The following PPFIBP1 variants were observed in gnomAD, a reference collection of about 807,000 sequenced individuals.
PPFIBP1 encodes liprin-beta-1.
Under a neutral mutation model 137.8 loss-of-function variants are expected in PPFIBP1, and 112 were observed. That is an observed-to-expected ratio of 0.81 (90% CI 0.70 to 0.95). The LOEUF is 0.95. Among genes scored for constraint, PPFIBP1 ranks in the 40% least tolerant of loss-of-function variants. The pLI is 0.00. For missense variants in PPFIBP1, 1,083 were observed against 1,196.6 expected (o/e 0.91, Z 1.40); for synonymous variants, 378 against 417.3 (o/e 0.91, Z 1.15).
chr12:27,565,444 A>G (rs1419188484), intron 1 of PPFIBP1, among the ~76,000 whole-genome samples: 1 of 152,338 alleles, frequency 6.6e-6, no homozygotes. Flanking sequence ...GGAGCTAGTC[A>G]TCTTGATTCT....
chr12:27,688,998 T>G lies in PPFIBP1; in HGVS notation c.2497-17T>G. 2 of 1,590,914 alleles carry G rather than the reference T, an allele frequency of 1.3e-6. No individual in the cohort carries two copies. Among genetic ancestry groups the G allele is most frequent in the Non-Finnish European group, 1.7e-6 (2 of 1,174,152 alleles). ...TGTGGTGACTTTTGACAAGCTTTTTTTTTTTTCTTTAAACAGGTTCTAGAG... is the reference window on the plus strand; with the variant it reads ...TGTGGTGACTTTTGACAAGCTTTTTGTTTTTTCTTTAAACAGGTTCTAGAG... On this transcript the variant is annotated splice_polypyrimidine_tract_variant and intron_variant, in intron 26 of 29. Coordinates refer to ENST00000228425, the MANE Select transcript of PPFIBP1 (RefSeq NM_003622.4).
Position 27,682,390 on chromosome 12 carries a change from C to T in PPFIBP1, c.2050C>T (p.Leu684Phe). The T allele has an allele frequency of 6.2e-7, 1 of 1,606,284 alleles. No homozygotes were observed. ...AAGTCAATGTTTATTGTTTCAGGAA[C>T]TTGGAATCAAGCATTCACTTCATCG... is the stretch of plus-strand genomic sequence containing the variant. The part of the protein sequence containing the change: ...QASQQDLEKE[L>F]GIKHSLHRKK... The change falls in exon 23 of 30, where the codon CTT becomes TTT. Residue 684 changes from leucine (L) to phenylalanine (F), a missense_variant. Coordinates refer to ENST00000228425, the MANE Select transcript of PPFIBP1 (RefSeq NM_003622.4).
chr12:27,659,334 C>G (rs1565958107), intron 10 of PPFIBP1, among the ~76,000 whole-genome samples: 1 of 152,064 alleles, frequency 6.6e-6, no homozygotes, highest in Non-Finnish European at 1.5e-5. Flanking sequence ...ATTCATGGAG[C>G]CTGAATATTT....
At chr12:27,597,450 G>A (rs1398515021) in intron 2 of PPFIBP1, among the ~76,000 whole-genome samples, 10 of 151,968 alleles carry the variant, frequency 6.6e-5, no homozygotes, top group African/African-American at 1.7e-4. Flanking sequence ...CACCGCGACC[G>A]GCCACCAAAA....
At chr12:27,537,878 T>C (rs1475744987) in intron 1 of PPFIBP1, among the ~76,000 whole-genome samples, 1 of 152,118 alleles carries the variant, frequency 6.6e-6, no homozygotes, top group Non-Finnish European at 1.5e-5. Context: ...GGAAAGCAGG[T>C]ATCTGGCTAT....
chr12:27,615,172 A>G (rs185298567), intron 2 of PPFIBP1, among the ~76,000 whole-genome samples: 2 of 152,310 alleles, frequency 1.3e-5, no homozygotes, highest in East Asian at 3.9e-4. Flanking sequence ...TATATCTCTT[A>G]AGATCCTATT....
chr12:27,556,044 G>A (rs573919761), intron 1 of PPFIBP1, among the ~76,000 whole-genome samples: 1 of 152,324 alleles, frequency 6.6e-6, no homozygotes, highest in African/African-American at 2.4e-5. Context: ...GCTGCTTCCT[G>A]AATACATCTA....
chr12:27,594,970 G>A (rs2053019645), intron 2 of PPFIBP1, among the ~76,000 whole-genome samples: 2 of 152,196 alleles, frequency 1.3e-5, no homozygotes, highest in Admixed American at 6.5e-5. Flanking sequence ...ATGACCATTA[G>A]GTGGTAGTTA....
chr12:27,525,513 GAAAAA>G (rs56656340), intron 1 of PPFIBP1, among the ~76,000 whole-genome samples: 1 of 93,758 alleles, frequency 1.1e-5, no homozygotes, highest in Non-Finnish European at 2.1e-5. Flanking sequence ...GAGCAGGAAG[GAAAAA>G]AAAAAAAAAA....
intron 2 of PPFIBP1, among the ~76,000 whole-genome samples, chr12:27,629,203 T>G (rs1470738010): frequency 6.6e-6 from 1 of 152,220 alleles, no homozygotes; most frequent in Admixed American, 6.5e-5. Context: ...TAAATGAATT[T>G]TATGCTTTCA....
chr12:27,679,946 C>T lies in PPFIBP1; in HGVS notation c.1780C>T (p.Gln594Ter). The T allele has an allele frequency of 6.2e-7, 1 of 1,614,052 alleles. No individual in the cohort carries two copies. Among genetic ancestry groups the T allele is most frequent in the Middle Eastern group, 1.7e-4 (1 of 6,058 alleles). The stretch of plus-strand genomic sequence containing the variant: ...TGTCTTCTTTAGACTTAGGAGAAGT[C>T]AATCAACTACATTCAACCCAGATGA... The part of the protein sequence containing the change: ...MKLFGKLRRS[Q>*]STTFNPDDMS... The change falls in exon 21 of 30, where the codon CAA (glutamine) becomes TAA (stop). Residue 594 changes from glutamine to a stop codon, truncating the protein, a stop_gained. Coordinates refer to ENST00000228425, the MANE Select transcript of PPFIBP1 (RefSeq NM_003622.4). LOFTEE classifies it high-confidence loss of function.
intron 1 of PPFIBP1, among the ~76,000 whole-genome samples, chr12:27,533,403 A>G (rs1328645685): frequency 6.6e-6 from 1 of 152,230 alleles, no homozygotes; most frequent in Non-Finnish European, 1.5e-5. Flanking sequence ...TTCAACCTAG[A>G]TTAATCCCAT....
chr12:27,570,895 A>G (rs1403285836), intron 1 of PPFIBP1, among the ~76,000 whole-genome samples: 1 of 152,102 alleles, frequency 6.6e-6, no homozygotes, highest in Non-Finnish European at 1.5e-5. Context: ...CCTGGGCGAC[A>G]GTGAGACTCT....
chr12:27,627,068 G>C (rs959737341), intron 2 of PPFIBP1, among the ~76,000 whole-genome samples: 2 of 152,112 alleles, frequency 1.3e-5, no homozygotes, highest in South Asian at 2.1e-4. Context: ...GGTAAATGGG[G>C]TATCTATCAC....
At chr12:27,626,425 G>A (rs2056822843) in intron 2 of PPFIBP1, among the ~76,000 whole-genome samples, 1 of 152,142 alleles carries the variant, frequency 6.6e-6, no homozygotes, top group Non-Finnish European at 1.5e-5. Flanking sequence ...TTGTCCCAAG[G>A]AGGAAAGACA....
chr12:27,555,857 T>TG (rs1247827409), intron 1 of PPFIBP1, among the ~76,000 whole-genome samples: 1 of 152,164 alleles, frequency 6.6e-6, no homozygotes, highest in East Asian at 1.9e-4. Context: ...TTACATAAAA[T>TG]TATAGCTTAA....
intron 2 of PPFIBP1, among the ~76,000 whole-genome samples, chr12:27,620,409 A>C (rs922125250): frequency 1.3e-5 from 2 of 152,174 alleles, no homozygotes; most frequent in African/African-American, 4.8e-5. Flanking sequence ...TCTCCCTTCT[A>C]GGGGCCTTTG....
intron 2 of PPFIBP1, among the ~76,000 whole-genome samples, chr12:27,589,779 T>C (rs767055123): frequency 6.6e-6 from 1 of 152,238 alleles, no homozygotes; most frequent in African/African-American, 2.4e-5. Context: ...ATAATAAAAC[T>C]GGTTGCAAGT....
intron 1 of PPFIBP1, among the ~76,000 whole-genome samples, chr12:27,541,187 T>C (rs542600557): frequency 6.6e-6 from 1 of 151,960 alleles, no homozygotes; most frequent in South Asian, 2.1e-4. Flanking sequence ...TGAGGATAAA[T>C]GGGCCTGAAG....
Sources: gnomAD v4.1 joint callset for allele counts (sites outside exome capture counted in the v4.1 genomes callset) on GRCh38, gnomAD v4.1.1 for gene constraint, MANE v1.5 for transcripts, NCBI Gene and HGNC (gene_info 2026-07-23, HGNC 2026-07-21) for gene names.